SMYD3: variants seen among roughly 807,000 people sequenced by gnomAD.
SMYD3 encodes the protein histone-lysine N-methyltransferase SMYD3.
A neutral mutation model predicts 57.7 loss-of-function variants in SMYD3; 36 were observed. The observed-to-expected ratio is 0.62, with a 90% CI of 0.48 to 0.82. SMYD3 has a LOEUF of 0.82. Ranked by LOEUF, SMYD3 falls within the 40% of genes least tolerant of loss-of-function variation. The pLI is 0.00. For missense variants in SMYD3, 515 were observed against 538.8 expected (o/e 0.96, Z 0.44); for synonymous variants, 211 against 195.0 (o/e 1.08, Z -0.68).
chr1:246,503,985 TC>T (rs869284112), intron 1 of SMYD3, among the ~76,000 whole-genome samples: 2 of 84,298 alleles, frequency 2.4e-5, no homozygotes, highest in Non-Finnish European at 6.1e-5. Flanking sequence ...AAAAGTGATT[TC>T]AGGTTATAAT....
chr1:246,423,209 A>G (rs1371846150), intron 1 of SMYD3, among the ~76,000 whole-genome samples: 1 of 151,934 alleles, frequency 6.6e-6, no homozygotes, highest in African/African-American at 2.4e-5. Flanking sequence ...AGGCAGGAGA[A>G]TCACTTGAAC....
intron 10 of SMYD3, among the ~76,000 whole-genome samples, chr1:245,817,277 G>A (rs12028856): frequency 0.1 from 14,793 of 141,248 alleles, 1,177 homozygotes; most frequent in Admixed American, 0.19. Flanking sequence ...GCACCCCCCA[G>A]CAGGGGCACA....
At chr1:246,158,371 T>C (rs943784191) in intron 5 of SMYD3, among the ~76,000 whole-genome samples, 6 of 152,190 alleles carry the variant, frequency 3.9e-5, no homozygotes, top group African/African-American at 1.4e-4. Context: ...CACAAAGTCA[T>C]TGAGATATAT....
At chr1:246,229,607 C>T (rs2063381402) in intron 5 of SMYD3, among the ~76,000 whole-genome samples, 1 of 152,146 alleles carries the variant, frequency 6.6e-6, no homozygotes. Context: ...GTTCACAGTT[C>T]TGGAGGCTGG....
chr1:246,306,346 C>G (rs949856637), intron 5 of SMYD3, among the ~76,000 whole-genome samples: 1 of 150,208 alleles, frequency 6.7e-6, no homozygotes, highest in African/African-American at 2.4e-5. Flanking sequence ...GACTCCGTCT[C>G]AAAAAAAAAT....
chr1:246,172,609 A>G (rs1314425340), intron 5 of SMYD3, among the ~76,000 whole-genome samples: 17 of 143,756 alleles, frequency 1.2e-4, no homozygotes, highest in African/African-American at 3.1e-4. Flanking sequence ...TATCAACACT[A>G]CACACTTAGG....
intron 5 of SMYD3, among the ~76,000 whole-genome samples, chr1:246,048,996 G>A (rs1017112214): frequency 5.9e-5 from 9 of 152,098 alleles, no homozygotes; most frequent in Non-Finnish European, 1.2e-4. Flanking sequence ...TGTGGCATAC[G>A]ACGAGAGGAT....
Position 246,351,087 on chromosome 1 carries a change from A to C in SMYD3, c.228+3944T>G, listed in dbSNP as rs1002296879. 5.3e-5 allele frequency among the ~76,000 whole-genome samples: 8 copies of C among 152,222 alleles called. 1 individual carries two copies. Among genetic ancestry groups the C allele is most frequent in the Admixed American group, 1.3e-4 (2 of 15,282 alleles). On this transcript the variant is annotated intron_variant, in intron 2 of 11. Coordinates refer to ENST00000490107, the MANE Select transcript of SMYD3 (RefSeq NM_001167740.2). Reference sequence around the variant, plus strand: ...GTTAAGTGCTTACTAATGTGGGATTAATTTTCTACCCATCGAATATGAATC... The same window carrying C: ...GTTAAGTGCTTACTAATGTGGGATTCATTTTCTACCCATCGAATATGAATC...
At chr1:245,793,698 T>C (rs2047400626) in intron 10 of SMYD3, among the ~76,000 whole-genome samples, 1 of 152,058 alleles carries the variant, frequency 6.6e-6, no homozygotes, top group Non-Finnish European at 1.5e-5. Flanking sequence ...TCTCAAACCT[T>C]GCCCTCCCAT....
At chr1:246,439,642 A>G (rs937998280) in intron 1 of SMYD3, among the ~76,000 whole-genome samples, 7 of 152,084 alleles carry the variant, frequency 4.6e-5, no homozygotes, top group Non-Finnish European at 1.0e-4. Context: ...CTTAAGAAAA[A>G]AAAGACAGTT....
At chr1:245,798,652 G>A (rs997321303) in intron 10 of SMYD3, among the ~76,000 whole-genome samples, 5 of 152,002 alleles carry the variant, frequency 3.3e-5, no homozygotes, top group African/African-American at 1.2e-4. Flanking sequence ...TGTACTGGAC[G>A]AGGCTGAACA....
intron 2 of SMYD3, among the ~76,000 whole-genome samples, chr1:246,344,948 T>C (rs1437104189): frequency 6.6e-6 from 1 of 152,130 alleles, no homozygotes; most frequent in Non-Finnish European, 1.5e-5. Flanking sequence ...AAACAACTTC[T>C]TGGTTGGGGT....
chr1:245,887,973 CTT>C (rs2053178157), intron 8 of SMYD3, among the ~76,000 whole-genome samples: 1 of 152,162 alleles, frequency 6.6e-6, no homozygotes, highest in Admixed American at 6.6e-5. Context: ...AAAAAGGAGA[CTT>C]AAGTCTATTT....
At chr1:246,009,767 A>G (rs2059244499) in intron 5 of SMYD3, among the ~76,000 whole-genome samples, 1 of 149,966 alleles carries the variant, frequency 6.7e-6, no homozygotes, top group African/African-American at 2.4e-5. Flanking sequence ...AATGAAGTAG[A>G]AGAAGCTATT....
chr1:245,777,176 C>T (rs2046638622), intron 10 of SMYD3, among the ~76,000 whole-genome samples: 1 of 152,132 alleles, frequency 6.6e-6, no homozygotes, highest in South Asian at 2.1e-4. Flanking sequence ...ACAGTAACAG[C>T]AGTTCATACA....
intron 5 of SMYD3, among the ~76,000 whole-genome samples, chr1:246,030,500 T>C (rs977116230): frequency 2.0e-5 from 3 of 152,194 alleles, no homozygotes; most frequent in East Asian, 1.9e-4. Flanking sequence ...TTCTGCAGCA[T>C]TGTACGCTGA....
intron 1 of SMYD3, among the ~76,000 whole-genome samples, chr1:246,424,394 A>G (rs1359600651): frequency 7.4e-6 from 1 of 135,032 alleles, no homozygotes; most frequent in East Asian, 1.9e-4. Flanking sequence ...ACAGAAAAAG[A>G]GAGGACAAAA....
At chr1:246,392,970 TA>T (rs759458793) in intron 1 of SMYD3, among the ~76,000 whole-genome samples, 9 of 152,002 alleles carry the variant, frequency 5.9e-5, no homozygotes, top group Non-Finnish European at 1.2e-4. Flanking sequence ...GGCTGTAGTT[TA>T]AAAAACAGAG....
chr1:246,494,768 A>G (rs548673918), intron 1 of SMYD3, among the ~76,000 whole-genome samples: 4 of 152,368 alleles, frequency 2.6e-5, no homozygotes, highest in African/African-American at 9.6e-5. Flanking sequence ...TGTGAGAAAC[A>G]TCTATCATAA....
Sources: allele counts gnomAD v4.1 joint callset (sites outside exome capture counted in the v4.1 genomes callset), GRCh38; gene constraint gnomAD v4.1.1; transcripts MANE v1.5; gene names NCBI Gene and HGNC (gene_info 2026-07-23, HGNC 2026-07-21).